The following RAP2A variants were observed in gnomAD, a reference collection of about 807,000 sequenced individuals.
RAP2A encodes ras-related protein Rap-2a.
Under a neutral mutation model 15.1 loss-of-function variants are expected in RAP2A, and 5 were observed. The observed-to-expected ratio is 0.33, with a 90% CI of 0.17 to 0.70. RAP2A has a LOEUF of 0.70. RAP2A is among the 30% of genes least tolerant of loss of function. The pLI is 0.68. For missense variants in RAP2A, 111 were observed against 240.3 expected (o/e 0.46, Z 3.56); for synonymous variants, 110 against 99.7 (o/e 1.10, Z -0.62).
chr13:97,465,767 T>A lies in RAP2A; in HGVS notation c.*1325T>A, dbSNP rs2066768098. ...GTGAAGTATTTATCATTTGCATGAC[T>A]AATGGCACAGGAAAAACCTATTCAT... On this transcript the variant is annotated 3_prime_UTR_variant, in exon 2 of 2. Transcript: ENST00000245304. 1 of 152,238 alleles carries A rather than the reference T, an allele frequency of 6.6e-6. No homozygotes were observed. The highest frequency in any genetic ancestry group is 1.9e-4 in the East Asian group (1 of 5,204). 9.4% of individuals were successfully genotyped at this position (152,238 alleles called of 1,614,324 possible). A position where few individuals can be genotyped will look rare whatever the true frequency, so the allele number is the denominator to read the frequency against.
chr13:97,441,534 T>C (rs1316500956), intron 1 of RAP2A, among the ~76,000 whole-genome samples: 3 of 152,146 alleles, frequency 2.0e-5, no homozygotes, highest in Admixed American at 1.3e-4. Context: ...TACATATTTT[T>C]AAGCAAGGAT....
chr13:97,451,016 T>G (rs1254722192), intron 1 of RAP2A, among the ~76,000 whole-genome samples: 3 of 152,178 alleles, frequency 2.0e-5, no homozygotes, highest in Non-Finnish European at 4.4e-5. Flanking sequence ...CTTTCAGTCT[T>G]TAGCCAGTTT....
At chr13:97,437,323 A>G (rs961408454) in intron 1 of RAP2A, 1 of 152,188 alleles carries the variant, frequency 6.6e-6, no homozygotes, top group African/African-American at 2.4e-5. Context: ...CAGTAGCCGT[A>G]TGTGGCCACA....
intron 1 of RAP2A, among the ~76,000 whole-genome samples, chr13:97,449,851 G>T (rs2066694812): frequency 6.6e-6 from 1 of 152,008 alleles, no homozygotes; most frequent in South Asian, 2.1e-4. Flanking sequence ...AATAATGAAG[G>T]TACTCCTCTT....
chr13:97,456,872 A>G (rs2153180105), intron 1 of RAP2A, among the ~76,000 whole-genome samples: 1 of 152,258 alleles, frequency 6.6e-6, no homozygotes, highest in Non-Finnish European at 1.5e-5. Flanking sequence ...AGTCGCTTCA[A>G]AACAAGTCAG....
Position 97,465,818 on chromosome 13 carries a change from G to A in RAP2A, c.*1376G>A, listed in dbSNP as rs1479031298. On this transcript the variant is annotated 3_prime_UTR_variant, in exon 2 of 2. Transcript: ENST00000245304. Reference sequence around the variant, plus strand: ...AAGTTTTACAATCAAGTATAGAGGGGTCTTCAGCTAACTTAGTTATACATA... The same window carrying A: ...AAGTTTTACAATCAAGTATAGAGGGATCTTCAGCTAACTTAGTTATACATA... The A allele has an allele frequency of 6.6e-6, 1 of 152,188 alleles. No individual in the cohort carries two copies. Among genetic ancestry groups the A allele is most frequent in the Non-Finnish European group, 1.5e-5 (1 of 68,040 alleles). 9.4% of individuals were successfully genotyped at this position (152,188 alleles called of 1,614,324 possible). A position where few individuals can be genotyped will look rare whatever the true frequency, so the allele number is the denominator to read the frequency against.
At chr13:97,451,750 G>A (rs1476004359) in intron 1 of RAP2A, among the ~76,000 whole-genome samples, 1 of 148,974 alleles carries the variant, frequency 6.7e-6, no homozygotes, top group Non-Finnish European at 1.5e-5. Context: ...TTTCAAAGTA[G>A]TTGTAAACAG....
chr13:97,441,510 TATGC>T (rs1260406963), intron 1 of RAP2A, among the ~76,000 whole-genome samples: 1 of 152,106 alleles, frequency 6.6e-6, no homozygotes, highest in African/African-American at 2.4e-5. Flanking sequence ...GTGCATATAT[TATGC>T]ATGTATATGT....
intron 1 of RAP2A, among the ~76,000 whole-genome samples, chr13:97,452,650 GCACACACA>G (rs34107608): frequency 2.7e-5 from 4 of 148,070 alleles, no homozygotes; most frequent in African/African-American, 5.0e-5. Context: ...ACACACACAC[GCACACACA>G]CACACACACA....
chr13:97,455,121 C>A (rs997675878), intron 1 of RAP2A, among the ~76,000 whole-genome samples: 1 of 151,140 alleles, frequency 6.6e-6, no homozygotes, highest in Non-Finnish European at 1.5e-5. Context: ...AATCTTTTTT[C>A]TCTCATTTAT....
intron 1 of RAP2A, among the ~76,000 whole-genome samples, chr13:97,457,518 T>A (rs991250306): frequency 6.6e-6 from 1 of 151,946 alleles, no homozygotes; most frequent in African/African-American, 2.4e-5. Flanking sequence ...ATATAATACA[T>A]CTTCATATAC....
rs2066780715 is a variant in RAP2A at position 97,468,152 on chromosome 13, CAT to C, written c.*3712_*3713del. 1 of 152,126 alleles carries C rather than the reference CAT, an allele frequency of 6.6e-6. No individual in the cohort carries two copies. Among genetic ancestry groups the C allele is most frequent in the Non-Finnish European group, 1.5e-5 (1 of 68,022 alleles). The allele number at this position is 152,126 out of a possible 1,614,324, so 9.4% of individuals were successfully genotyped here. ...AAAAGGCAGGTAGGTAGATAATTTT[CAT>C]AGTCTTTAAAAATAAAAATAACATG... On this transcript the variant is annotated 3_prime_UTR_variant, in exon 2 of 2. Coordinates refer to ENST00000245304, the MANE Select transcript of RAP2A (RefSeq NM_021033.7).
At chr13:97,447,753 G>A (rs2066685476) in intron 1 of RAP2A, among the ~76,000 whole-genome samples, 1 of 152,212 alleles carries the variant, frequency 6.6e-6, no homozygotes, top group Non-Finnish European at 1.5e-5. Flanking sequence ...CTTAAGGAAA[G>A]TGTCAGATTT....
chr13:97,444,858 A>G (rs2066673232), intron 1 of RAP2A, among the ~76,000 whole-genome samples: 2 of 152,168 alleles, frequency 1.3e-5, no homozygotes, highest in African/African-American at 2.4e-5. Context: ...CTTTTTGTAT[A>G]TGTCTTAGTC....
intron 1 of RAP2A, among the ~76,000 whole-genome samples, chr13:97,450,033 G>C (rs2066695848): frequency 6.6e-6 from 1 of 151,660 alleles, no homozygotes; most frequent in Non-Finnish European, 1.5e-5. Flanking sequence ...AATATTCTAA[G>C]ATCTTACTAC....
intron 1 of RAP2A, among the ~76,000 whole-genome samples, chr13:97,459,963 G>A (rs747632493): frequency 1.6e-4 from 25 of 152,244 alleles, no homozygotes; most frequent in Admixed American, 3.9e-4. Flanking sequence ...TTGATTGTTC[G>A]ATTGTTCATT....
chr13:97,444,113 A>G (rs1187243432), intron 1 of RAP2A, among the ~76,000 whole-genome samples: 7 of 152,146 alleles, frequency 4.6e-5, no homozygotes, highest in Non-Finnish European at 7.4e-5. Flanking sequence ...ATAGTATAAC[A>G]TTTCTGTTTT....
intron 1 of RAP2A, among the ~76,000 whole-genome samples, chr13:97,436,481 T>C (rs2066635010): frequency 2.0e-5 from 3 of 152,182 alleles, no homozygotes; most frequent in Admixed American, 6.5e-5. Flanking sequence ...CATTTAGATA[T>C]ATATGCTTAA....
rs1283618746 is a variant in RAP2A at position 97,464,439 on chromosome 13, A to G, written c.549A>G (p.Gln183=). 4.3e-6 allele frequency: 7 copies of G among 1,613,598 alleles called. No homozygotes were observed. In the African/African-American group the frequency reaches 9.3e-5, roughly 22 times the overall value. ...CATGCTGTTCTGCATGTAACATACA[A>G]TAGCATCCAAATATGGCTGTCCTGG... is the stretch of plus-strand genomic sequence containing the variant. ...DDPCCSACNI[Q] The change falls in exon 2 of 2, where the codon CAA becomes CAG. Residue 183 remains glutamine (Q), a synonymous_variant. Coordinates refer to ENST00000245304, the MANE Select transcript of RAP2A (RefSeq NM_021033.7).
Sources: gnomAD v4.1 joint callset for allele counts (sites outside exome capture counted in the v4.1 genomes callset) on GRCh38, gnomAD v4.1.1 for gene constraint, MANE v1.5 for transcripts, NCBI Gene and HGNC (gene_info 2026-07-23, HGNC 2026-07-21) for gene names.